Variants in FAM9A observed in about 807,000 individuals in gnomAD.
FAM9A encodes family with sequence similarity 9 member A.
In FAM9A, 49 loss-of-function variants were observed where a neutral mutation model predicts 25.0. That is an observed-to-expected ratio of 1.96 (90% confidence interval 1.56 to 2.48). The LOEUF is 2.48. FAM9A is among the 30% of genes most tolerant of loss of function. The pLI, the probability that FAM9A is intolerant of heterozygous loss-of-function variation, is 0.00. For synonymous variants in FAM9A, 80 were observed against 85.1 expected, an observed-to-expected ratio of 0.94 and a Z score of 0.33; for missense variants, 266 against 249.3, an observed-to-expected ratio of 1.07 and a Z score of -0.45.
chrX:8,801,357 G>C lies in FAM9A; in HGVS notation c.-85C>G, dbSNP rs1157171534. The C allele has an allele frequency of 1.8e-5, 2 of 110,161 alleles. No individual in the cohort carries two copies. Among genetic ancestry groups the C allele is most frequent in the Non-Finnish European group, 3.8e-5 (2 of 52,507 alleles). The allele number at this position is 110,161 out of a possible 1,213,427, so 9.1% of individuals were successfully genotyped here. On this transcript the variant is annotated 5_prime_UTR_variant, in exon 1 of 10. Transcript: ENST00000381003. ...TTCCTCACAGAACCTGCAGGCACTG[G>C]CACCACGACGCTCTCTTAGAAAAAT...
chrX:8,798,064 G>A (rs773380253), intron 5 of FAM9A, 86 bp downstream of exon 5: 623 of 908,205 alleles, frequency 6.9e-4, no homozygotes, highest in Non-Finnish European at 8.7e-4. Flanking sequence ...AGACAGTCTC[G>A]TCGTCCACTA....
rs889702911 is a variant in FAM9A at position 8,801,321 on chromosome X, C to T, written c.-49G>A. The T allele has an allele frequency of 2.7e-5, 3 of 110,751 alleles. No homozygotes were observed. Among genetic ancestry groups the T allele is most frequent in the Non-Finnish European group, 5.7e-5 (3 of 52,769 alleles). The allele number at this position is 110,751 out of a possible 1,213,427, so 9.1% of individuals were successfully genotyped here. A position where few individuals can be genotyped will look rare whatever the true frequency, so the allele number is the denominator to read the frequency against. On this transcript the variant is annotated 5_prime_UTR_variant, in exon 1 of 10. Transcript: ENST00000381003. ...CCGCGAGCGCTTCACCTGAGGGACCCCTGATGCCGCTTCCTCACAGAACCT... is the reference window on the plus strand; with the variant it reads ...CCGCGAGCGCTTCACCTGAGGGACCTCTGATGCCGCTTCCTCACAGAACCT...
chrX:8,793,827 G>A (rs1262295888), intron 7 of FAM9A, 71 bp from the exon 8 acceptor site: 1 of 697,950 alleles, frequency 1.4e-6, no homozygotes, highest in Non-Finnish European at 2.2e-6. Context: ...TTCTGCATTA[G>A]CTTTATAGGA....
chrX:8,792,924 A>T (rs1430918975), intron 8 of FAM9A, among the ~76,000 whole-genome samples: 1 of 112,507 alleles, frequency 8.9e-6, no homozygotes, highest in African/African-American at 3.2e-5. Flanking sequence ...ACAGCAGATA[A>T]TTCACAATTC....
chrX:8,801,252 C>A (rs1165785809), intron 1 of FAM9A, 59 bp downstream of exon 1: 1 of 108,641 alleles, frequency 9.2e-6, no homozygotes, highest in Non-Finnish European at 1.9e-5. Context: ...GCGCTTCACA[C>A]CCTGGTTGCG....
intron 2 of FAM9A, 59 bp downstream of exon 2, chrX:8,800,022 C>T (rs1242822002): frequency 4.3e-6 from 5 of 1,153,562 alleles, no homozygotes; most frequent in African/African-American, 3.7e-5. Context: ...CCAGGGGTCT[C>T]GGGCTGCCCA....
At chrX:8,791,200 G>T in intron 9 of FAM9A, 28 bp from the exon 10 acceptor site, 1 of 724,185 alleles carries the variant, frequency 1.4e-6, no homozygotes, top group Non-Finnish European at 1.9e-6. Context: ...TTAAGTAACT[G>T]TGATACACAT....
intron 8 of FAM9A, among the ~76,000 whole-genome samples, chrX:8,792,634 A>G (rs975298787): frequency 3.1e-4 from 35 of 111,883 alleles, no homozygotes; most frequent in African/African-American, 9.4e-4. Flanking sequence ...GTTTCTGGTG[A>G]ACATTATAGC....
chrX:8,798,385 A>G lies in FAM9A; in HGVS notation c.315T>C (p.Pro105=). 1 of 1,211,729 alleles carries G rather than the reference A, an allele frequency of 8.3e-7. No individual in the cohort carries two copies. Among genetic ancestry groups the G allele is most frequent in the Non-Finnish European group, 1.1e-6 (1 of 895,562 alleles). Residue 105 remains proline, a synonymous_variant, in exon 4 of 10, where the codon CCT becomes CCC. Coordinates refer to ENST00000381003, the MANE Select transcript of FAM9A (RefSeq NM_174951.3). ...CCGTGTGTTCATCTTTTTCAGCAAA[A>G]GGTTCTCTTTCCCCATGCTCATCAG... The part of the protein sequence containing the change: ...DVTDEHGERE[P]FAEKDEHTGI...
intron 2 of FAM9A, among the ~76,000 whole-genome samples, chrX:8,799,421 G>A (rs1353040224): frequency 9.0e-6 from 1 of 110,553 alleles, no homozygotes; most frequent in Non-Finnish European, 1.9e-5. Flanking sequence ...GGGTGCCACA[G>A]GACCTCCCCA....
intron 6 of FAM9A, 94 bp from the exon 7 acceptor site, chrX:8,795,514 A>G: frequency 1.3e-6 from 1 of 765,593 alleles, no homozygotes; most frequent in Non-Finnish European, 1.9e-6. Flanking sequence ...AATTTATACT[A>G]TAAAGTAGCA....
In FAM9A at chrX:8,795,265, T is replaced by TCTGCTG; in HGVS notation, c.638_643dup (p.Ala213_Ala214dup). On this transcript the variant is annotated inframe_insertion, in exon 7 of 10. Coordinates refer to ENST00000381003, the MANE Select transcript of FAM9A (RefSeq NM_174951.3). Reference sequence around the variant, plus strand: ...CTCTTCGTCTTCTACTACTATTACTTCTGCTGCTGCTGCTGCGGCTTCTGC... The same window carrying TCTGCTG: ...CTCTTCGTCTTCTACTACTATTACTTCTGCTGCTGCTGCTGCTGCTGCGGCTTCTGC... 1.7e-6 allele frequency: 2 copies of TCTGCTG among 1,184,318 alleles called. No individual in the cohort carries two copies. Among genetic ancestry groups the TCTGCTG allele is most frequent in the Non-Finnish European group, 2.3e-6 (2 of 878,712 alleles).
intron 6 of FAM9A, among the ~76,000 whole-genome samples, chrX:8,795,861 A>G (rs1312934897): frequency 1.8e-5 from 2 of 112,157 alleles, no homozygotes; most frequent in Admixed American, 1.9e-4. Flanking sequence ...TAAAAGGAAT[A>G]GTGAAAACAA....
In FAM9A at chrX:8,799,063, C is replaced by T; in HGVS notation, c.123G>A (p.Gln41=). 1 of 1,211,719 alleles carries T rather than the reference C, an allele frequency of 8.3e-7. No homozygotes were observed. Among genetic ancestry groups the T allele is most frequent in the Middle Eastern group, 2.3e-4 (1 of 4,352 alleles). The change falls in exon 3 of 10, where the codon CAG becomes CAA. Residue 41 remains glutamine, a synonymous_variant. Transcript: ENST00000381003. ...TCCTGCCCACGGGCTCCATGGTTGG[C>T]TGTCCTGGGAAGTTAGAGGCGATCC... The part of the protein sequence containing the change: ...GSGIASNFPG[Q]PTMEPVGRKR...
At chrX:8,800,532 C>T (rs1431904877) in intron 1 of FAM9A, among the ~76,000 whole-genome samples, 8 of 110,395 alleles carry the variant, frequency 7.2e-5, no homozygotes, top group Non-Finnish European at 1.5e-4. Context: ...CCACGGGTGT[C>T]ACAGGACCTC....
Position 8,791,341 on chromosome X carries a change from A to G in FAM9A, c.969T>C (p.Ser323=). 8.3e-7 allele frequency: 1 copy of G among 1,207,705 alleles called. No individual in the cohort carries two copies. ...TATCAAGTTCACTTTCTTCACTGGA[A>G]GAAATGATGCAATAATTGTCTTTAG... ...KDTKDNYCII[S]SSEESELDN is the part of the protein sequence containing the mutation. The change falls in exon 9 of 10, where the codon TCT becomes TCC. Residue 323 remains serine, a synonymous_variant. Coordinates refer to ENST00000381003, the MANE Select transcript of FAM9A (RefSeq NM_174951.3).
chrX:8,800,173 G>A lies in FAM9A; in HGVS notation c.-2C>T. ...GCGCTTCCTGCCCACGGGCTCCATG[G>A]TTGGCTGTCCTGGGAAGTTAGAGGC... On this transcript the variant is annotated 5_prime_UTR_variant, in exon 2 of 10. Transcript: ENST00000381003. 3 of 1,207,779 alleles carry A rather than the reference G, an allele frequency of 2.5e-6. No homozygotes were observed. Among genetic ancestry groups the A allele is most frequent in the Non-Finnish European group, 3.4e-6 (3 of 893,186 alleles).
intron 2 of FAM9A, among the ~76,000 whole-genome samples, 170 bp from the exon 3 acceptor site, chrX:8,799,264 C>G (rs1418465899): frequency 1.3e-3 from 143 of 111,571 alleles, no homozygotes; most frequent in Non-Finnish European, 2.3e-3. Flanking sequence ...CTTCCTGGCC[C>G]GTCCAGCCCC....
chrX:8,799,239 G>A (rs1386548730), intron 2 of FAM9A, 145 bp from the exon 3 acceptor site: 5 of 843,441 alleles, frequency 5.9e-6, no homozygotes, highest in Non-Finnish European at 8.2e-6. Context: ...GAAGATGCCA[G>A]TGTCCCCTCC....
Sources: allele counts gnomAD v4.1 joint callset (sites outside exome capture counted in the v4.1 genomes callset), GRCh38; gene constraint gnomAD v4.1.1; transcripts MANE v1.5; gene names NCBI Gene and HGNC (gene_info 2026-07-23, HGNC 2026-07-21).